The following ZNF385D variants were observed in gnomAD, a reference collection of about 807,000 sequenced individuals.
ZNF385D encodes the protein zinc finger protein 385D, also known as zinc finger protein 659.
In ZNF385D, 15 loss-of-function variants were observed where a neutral mutation model predicts 35.8. The observed-to-expected ratio is 0.42, with a 90% CI of 0.28 to 0.64. ZNF385D has a LOEUF of 0.64. Ranked by LOEUF, ZNF385D falls within the 30% of genes least tolerant of loss-of-function variation. ZNF385D has a pLI of 0.23. For missense variants in ZNF385D, 474 were observed against 494.6 expected (o/e 0.96, Z 0.39); for synonymous variants, 212 against 186.8 (o/e 1.13, Z -1.10).
chr3:21,602,832 C>T (rs934665261), intron 2 of ZNF385D, among the ~76,000 whole-genome samples: 7 of 151,980 alleles, frequency 4.6e-5, no homozygotes, highest in African/African-American at 1.7e-4. Flanking sequence ...CGCGCCCGGC[C>T]TCCCTGCATT....
At chr3:22,044,183 C>T (rs1698846079) in intron 3 of ZNF385D, among the ~76,000 whole-genome samples, 1 of 151,074 alleles carries the variant, frequency 6.6e-6, no homozygotes, top group African/African-American at 2.4e-5. Context: ...CACAAAAGTA[C>T]TCCTTAAAGA....
intron 3 of ZNF385D, among the ~76,000 whole-genome samples, chr3:22,106,081 C>A (rs1028604175): frequency 2.0e-5 from 3 of 152,076 alleles, no homozygotes; most frequent in Admixed American, 6.6e-5. Context: ...GACTCTGAAA[C>A]TCTGACTTCA....
chr3:22,207,744 G>T (rs988721615), intron 2 of ZNF385D, among the ~76,000 whole-genome samples: 1 of 151,856 alleles, frequency 6.6e-6, no homozygotes. Flanking sequence ...AACTCTACAG[G>T]AATAAAATCT....
intron 3 of ZNF385D, among the ~76,000 whole-genome samples, chr3:21,521,423 T>A (rs1306786811): frequency 6.6e-6 from 1 of 152,020 alleles, no homozygotes; most frequent in Non-Finnish European, 1.5e-5. Context: ...AGAGATAGAG[T>A]GGTGAACAAG....
At chr3:22,352,970 G>T (rs545592856) in intron 2 of ZNF385D, among the ~76,000 whole-genome samples, 1 of 152,248 alleles carries the variant, frequency 6.6e-6, no homozygotes, top group South Asian at 2.1e-4. Context: ...TACATGGAGG[G>T]ACATGAGGCC....
chr3:21,957,581 C>G (rs1397992136), intron 3 of ZNF385D, among the ~76,000 whole-genome samples: 4 of 152,196 alleles, frequency 2.6e-5, no homozygotes, highest in South Asian at 4.1e-4. Context: ...CAAGCCTACC[C>G]AAACCCCAGA....
At chr3:22,270,838 CTG>C (rs1701139241) in intron 2 of ZNF385D, among the ~76,000 whole-genome samples, 1 of 151,954 alleles carries the variant, frequency 6.6e-6, no homozygotes, top group Non-Finnish European at 1.5e-5. Flanking sequence ...TAATTTTCCT[CTG>C]TTTTCTTTCT....
intron 3 of ZNF385D, among the ~76,000 whole-genome samples, chr3:21,846,218 G>T (rs574723521): frequency 6.6e-6 from 1 of 152,122 alleles, no homozygotes; most frequent in Non-Finnish European, 1.5e-5. Context: ...AAAAGCATTT[G>T]AAAGGTGATT....
chr3:21,998,224 G>C (rs913128528), intron 3 of ZNF385D, among the ~76,000 whole-genome samples: 2 of 152,020 alleles, frequency 1.3e-5, no homozygotes, highest in African/African-American at 2.4e-5. Context: ...TATAAATGTA[G>C]CCAGGCAGCA....
At chr3:22,125,055 T>C (rs542045594) in intron 3 of ZNF385D, among the ~76,000 whole-genome samples, 22 of 152,284 alleles carry the variant, frequency 1.4e-4, no homozygotes, top group African/African-American at 5.3e-4. Context: ...TTTGAGATCT[T>C]AGATTTAAGC....
intron 2 of ZNF385D, among the ~76,000 whole-genome samples, chr3:22,315,748 G>C (rs1703852161): frequency 6.6e-6 from 1 of 152,118 alleles, no homozygotes; most frequent in Admixed American, 6.6e-5. Context: ...CCAGGAAAAA[G>C]CCAAGCTCAC....
At chr3:21,542,557 G>A (rs1447784278) in intron 3 of ZNF385D, among the ~76,000 whole-genome samples, 1 of 152,092 alleles carries the variant, frequency 6.6e-6, no homozygotes, top group East Asian at 1.9e-4. Context: ...GTGTTGCCCA[G>A]GCTGCTCTCA....
At chr3:22,138,360 T>C (rs978771576) in intron 3 of ZNF385D, among the ~76,000 whole-genome samples, 1 of 152,170 alleles carries the variant, frequency 6.6e-6, no homozygotes, top group Non-Finnish European at 1.5e-5. Flanking sequence ...CATTGCCAAG[T>C]GAGTCCTAAG....
intron 2 of ZNF385D, among the ~76,000 whole-genome samples, chr3:22,204,115 C>T (rs1334772677): frequency 2.6e-5 from 4 of 151,992 alleles, no homozygotes; most frequent in Admixed American, 2.0e-4. Context: ...CACGACTTCC[C>T]CAGCTCCAGA....
At chr3:21,583,959 C>CTTATTTACTTAT (rs1553617430) in intron 2 of ZNF385D, among the ~76,000 whole-genome samples, 2 of 138,264 alleles carry the variant, frequency 1.4e-5, no homozygotes, top group Non-Finnish European at 3.0e-5. Context: ...TACTTATTTA[C>CTTATTTACTTAT]TTATTTATTT....
intron 3 of ZNF385D, among the ~76,000 whole-genome samples, chr3:21,829,088 A>T (rs1455225238): frequency 1.3e-5 from 2 of 152,222 alleles, no homozygotes; most frequent in South Asian, 2.1e-4. Flanking sequence ...GCTGTTTGCA[A>T]GGATTAGAAT....
chr3:22,318,914 C>T (rs1308054525), intron 2 of ZNF385D, among the ~76,000 whole-genome samples: 2 of 152,134 alleles, frequency 1.3e-5, no homozygotes, highest in Admixed American at 6.5e-5. Flanking sequence ...AAGAAATATT[C>T]ATAGGTTAAG....
chr3:21,591,889 C>T (rs1422707578), intron 2 of ZNF385D, among the ~76,000 whole-genome samples: 1 of 152,152 alleles, frequency 6.6e-6, no homozygotes, highest in Non-Finnish European at 1.5e-5. Context: ...CTACACTACA[C>T]TTCCAGCATA....
chr3:21,964,348 C>A (rs1702760613), intron 3 of ZNF385D, among the ~76,000 whole-genome samples: 1 of 140,784 alleles, frequency 7.1e-6, no homozygotes, highest in Non-Finnish European at 1.5e-5. Flanking sequence ...AATCCCTGAG[C>A]TCTTCCATAG....
Sources: gnomAD v4.1 joint callset for allele counts (sites outside exome capture counted in the v4.1 genomes callset) on GRCh38, gnomAD v4.1.1 for gene constraint, MANE v1.5 for transcripts, NCBI Gene and HGNC (gene_info 2026-07-23, HGNC 2026-07-21) for gene names.